The following NOTCH3 variants were observed in gnomAD, a reference collection of about 807,000 sequenced individuals.
The protein encoded by NOTCH3 is notch receptor 3.
Under a neutral mutation model 213.3 loss-of-function variants are expected in NOTCH3, and 86 were observed. The ratio of observed to expected loss-of-function variants is 0.40; its 90% CI spans 0.34 to 0.48. The LOEUF is 0.48. NOTCH3 is among the 20% of genes least tolerant of loss of function. The pLI is 0.57. For missense variants in NOTCH3, 2,783 were observed against 3,272.6 expected, an observed-to-expected ratio of 0.85 and a Z score of 3.65; for synonymous variants, 1,354 against 1,355.9, an observed-to-expected ratio of 1.00 and a Z score of 0.03.
chr19:15,177,023 G>T (rs1458554092), intron 24 of NOTCH3, among the ~76,000 whole-genome samples: 5 of 136,162 alleles, frequency 3.7e-5, no homozygotes, highest in Admixed American at 2.4e-4. Flanking sequence ...AGTGAGCCAA[G>T]ATGGAGCCAT....
chr19:15,182,317 G>A (rs1199098853), intron 16 of NOTCH3, among the ~76,000 whole-genome samples: 1 of 151,958 alleles, frequency 6.6e-6, no homozygotes, highest in Non-Finnish European at 1.5e-5. Context: ...GACCAACCTG[G>A]GCAACATGGC....
Position 15,187,458 on chromosome 19 carries a change from G to A in NOTCH3, c.1607-120C>T, listed in dbSNP as rs570640109. ...CCTGCCCATCAAGCTGTCAGGAGGC[G>A]AGCTCAATACAGGCCCCACCCCCCA... On this transcript the variant is annotated intron_variant, in intron 10 of 32. Transcript: ENST00000263388. 11 of 784,516 alleles carry A rather than the reference G, an allele frequency of 1.4e-5. No homozygotes were observed. In the Admixed American group the frequency reaches 1.7e-4, roughly 12 times the overall value. 48.6% of individuals were successfully genotyped at this position (784,516 alleles called of 1,614,324 possible).
intron 29 of NOTCH3, among the ~76,000 whole-genome samples, chr19:15,166,935 G>A (rs138709161): frequency 1.9e-5 from 2 of 105,108 alleles, no homozygotes; most frequent in East Asian, 5.2e-4. Flanking sequence ...TGTCCAATCA[G>A]AATGCATCCT....
Position 15,177,867 on chromosome 19 carries a change from G to C in NOTCH3, c.4061C>G (p.Pro1354Arg). ...CLHGGSCRPAPLAPFFRCACA... is the reference protein window; with the variant it reads ...CLHGGSCRPARLAPFFRCACA... The stretch of plus-strand genomic sequence containing the variant: ...AGCGCAGCGGAAGAAGGGCGCGAGC[G>C]GCGCGGGGCGGCAGGAGCCCCCGTG... Residue 1354 changes from proline to arginine, a missense_variant, in exon 24 of 33, where the codon CCG (proline) becomes CGG (arginine). Pro to Arg is a moderately radical substitution (Grantham distance 103, BLOSUM62 -2). This residue lies in a region of NOTCH3 where 133 missense variants were observed against 201.9 expected (regional missense o/e 0.66). Transcript: ENST00000263388. 1 of 1,224,320 alleles carries C rather than the reference G, an allele frequency of 8.2e-7. No homozygotes were observed. The highest frequency in any genetic ancestry group is 1.6e-5 in the African/African-American group (1 of 63,466). 75.8% of individuals were successfully genotyped at this position (1,224,320 alleles called of 1,614,324 possible). A position where few individuals can be genotyped will look rare whatever the true frequency, so the allele number is the denominator to read the frequency against.
At chr19:15,162,193 G>T in intron 32 of NOTCH3, 1 of 479,446 alleles carries the variant, frequency 2.1e-6, no homozygotes, top group Non-Finnish European at 3.8e-6. Flanking sequence ...CGTTGGCCAG[G>T]CTGGTCTCAA....
In NOTCH3 at chr19:15,180,947, G is replaced by A. The variant is rs2046835028; in HGVS notation, c.2994+14C>T. ...GGCAGGCTCCTCCCCCAGGTCCCCA[G>A]TAACTCCACCCACCTGGCACTGCGG... On this transcript the variant is annotated intron_variant, in intron 18 of 32. Transcript: ENST00000263388. 1.3e-6 allele frequency: 2 copies of A among 1,586,956 alleles called. No individual in the cohort carries two copies. The highest frequency in any genetic ancestry group is 1.1e-5 in the South Asian group (1 of 87,402).
rs1341965199 is a variant in NOTCH3, at chr19:15,170,312, G to A, written c.5114+19C>T. The stretch of plus-strand genomic sequence containing the variant: ...CAAGGTCCCCGTAGTCAGGGACAGG[G>A]AGCGAGCAGGGTTCTCACTTCATGC... On this transcript the variant is annotated intron_variant, in intron 27 of 32. Transcript: ENST00000263388. 3 of 1,606,812 alleles carry A rather than the reference G, an allele frequency of 1.9e-6. No homozygotes were observed. Among genetic ancestry groups the A allele is most frequent in the Non-Finnish European group, 8.5e-7 (1 of 1,174,722 alleles).
chr19:15,195,655 AGGGC>A (rs1335767600), intron 2 of NOTCH3, among the ~76,000 whole-genome samples: 1 of 145,078 alleles, frequency 6.9e-6, no homozygotes, highest in Non-Finnish European at 1.5e-5. Flanking sequence ...TTGGGAGGGG[AGGGC>A]ACAGCTCCCG....
At chr19:15,180,569 C>A in intron 19 of NOTCH3, 112 bp downstream of exon 19, 1 of 1,279,910 alleles carries the variant, frequency 7.8e-7, no homozygotes, top group Non-Finnish European at 1.1e-6. Context: ...GCCACACACC[C>A]CATCATGCCC....
intron 12 of NOTCH3, among the ~76,000 whole-genome samples, chr19:15,186,139 T>C (rs1394245351): frequency 6.6e-6 from 1 of 151,990 alleles, no homozygotes; most frequent in Non-Finnish European, 1.5e-5. Flanking sequence ...AGTGTGTTTA[T>C]TTTTTGTAGA....
intron 17 of NOTCH3, 65 bp downstream of exon 17, chr19:15,181,511 C>G: frequency 7.3e-7 from 1 of 1,371,188 alleles, no homozygotes; most frequent in Non-Finnish European, 1.0e-6. Flanking sequence ...GTCCCCACTT[C>G]GTCCCAGGTC....
Position 15,170,548 on chromosome 19 carries a change from G to A in NOTCH3, c.4897C>T (p.Pro1633Ser), listed in dbSNP as rs769347071. Residue 1633 changes from proline (P) to serine (S), a missense_variant, in exon 27 of 33, where the codon CCG (proline) becomes TCG (serine). This residue lies in a region of NOTCH3 where 636 missense variants were observed against 801.8 expected (regional missense o/e 0.79). Transcript: ENST00000263388. ...PYPLRDVRGE[P>S]LEPPEPSVPL... ...ACGCTGGGTTCTGGAGGCTCCAGCG[G>A]CTCCCCTAAGAGCAGGAAGCAGAGG... The A allele has an allele frequency of 6.2e-7, 1 of 1,608,682 alleles. No individual in the cohort carries two copies.
chr19:15,162,549 T>G lies in NOTCH3; in HGVS notation c.5829A>C (p.Leu1943Phe). Residue 1943 changes from leucine to phenylalanine, a missense_variant, in exon 32 of 33, where the codon TTA becomes TTC. Around this residue, in one of 6 missense-constraint regions of NOTCH3, gnomAD observed 636 missense variants for 801.8 expected, o/e 0.79. Coordinates refer to ENST00000263388, the MANE Select transcript of NOTCH3 (RefSeq NM_000435.3). ...CGTTGTTCACAGCCGCAGCCCAGTG[T>G]AAGGCTGATTTCCCTGGAGGATGAA... ...NAVDELGKSA[L>F]HWAAAVNNVE... 6.2e-7 allele frequency: 1 copy of G among 1,613,816 alleles called. No individual in the cohort carries two copies. The highest frequency in any genetic ancestry group is 8.5e-7 in the Non-Finnish European group (1 of 1,179,866).
At chr19:15,178,762 C>T in intron 23 of NOTCH3, 61 bp downstream of exon 23, 1 of 1,188,460 alleles carries the variant, frequency 8.4e-7, no homozygotes. Context: ...AGACGCCACG[C>T]CCCTACTACT....
Position 15,178,946 on chromosome 19 carries a change from G to A in NOTCH3, c.3719-5C>T. On this transcript the variant is annotated splice_region_variant and splice_polypyrimidine_tract_variant and intron_variant, in intron 22 of 32. Coordinates refer to ENST00000263388, the MANE Select transcript of NOTCH3 (RefSeq NM_000435.3). ...GGACAGTCTGACAGCGAGGACCTGAGCGAGCGGGAGCATGTAGATCAGCCA... is the reference window on the plus strand; with the variant it reads ...GGACAGTCTGACAGCGAGGACCTGAACGAGCGGGAGCATGTAGATCAGCCA... 6.2e-7 allele frequency: 1 copy of A among 1,614,050 alleles called. No individual in the cohort carries two copies. The highest frequency in any genetic ancestry group is 1.1e-5 in the South Asian group (1 of 91,088).
rs771682246 is a variant in NOTCH3 at position 15,160,696 on chromosome 19, G to A, written c.6932C>T (p.Pro2311Leu). The A allele has an allele frequency of 6.8e-6, 11 of 1,614,020 alleles. No individual in the cohort carries two copies. The highest frequency in any genetic ancestry group is 1.6e-4 in the Middle Eastern group (1 of 6,084). The change falls in exon 33 of 33, where the codon CCG becomes CTG. Residue 2311 changes from proline to leucine, a missense_variant. This residue lies in a region of NOTCH3 where 441 missense variants were observed against 432.1 expected (regional missense o/e 1.02). Coordinates refer to ENST00000263388, the MANE Select transcript of NOTCH3 (RefSeq NM_000435.3). ...AQAQTQLGPQ[P>L]EVTPKRQVLA ...CACTTGCCTCTTGGGGGTAACTTCC[G>A]GCTGGGGCCCCAGCTGGGTCTGGGC...
At chr19:15,164,360 C>A (rs888243150) in intron 31 of NOTCH3, among the ~76,000 whole-genome samples, 2 of 151,804 alleles carry the variant, frequency 1.3e-5, no homozygotes, top group Admixed American at 6.6e-5. Flanking sequence ...GCCAACATTG[C>A]GAAACCCCGT....
At chr19:15,166,301 A>T (rs2046685570) in intron 29 of NOTCH3, among the ~76,000 whole-genome samples, 1 of 152,182 alleles carries the variant, frequency 6.6e-6, no homozygotes, top group Admixed American at 6.5e-5. Context: ...ACACAGGACA[A>T]GGGACTCTGG....
chr19:15,172,946 C>T (rs948157091), intron 25 of NOTCH3, among the ~76,000 whole-genome samples: 1 of 149,230 alleles, frequency 6.7e-6, no homozygotes, highest in Non-Finnish European at 1.5e-5. Context: ...CGTGAGCCAC[C>T]GAGCCCCTCC....
Sources: allele counts gnomAD v4.1 joint callset (sites outside exome capture counted in the v4.1 genomes callset), GRCh38; gene constraint gnomAD v4.1.1; regional missense constraint gnomAD v4.1.1; transcripts MANE v1.5; gene names NCBI Gene and HGNC (gene_info 2026-07-23, HGNC 2026-07-21).